ARHGAP26: variants seen among roughly 807,000 people sequenced by gnomAD.
ARHGAP26 encodes rho GTPase-activating protein 26.
A neutral mutation model predicts 104.8 loss-of-function variants in ARHGAP26; 38 were observed. That is an observed-to-expected ratio of 0.36 (90% CI 0.28 to 0.48). The LOEUF (loss-of-function observed/expected upper bound fraction) is 0.48, where lower values mean the gene tolerates loss of function less well. Ranked by LOEUF, ARHGAP26 falls within the 20% of genes least tolerant of loss-of-function variation. The pLI, the probability that ARHGAP26 is intolerant of heterozygous loss-of-function variation, is 0.99. For synonymous variants in ARHGAP26, 341 were observed against 340.0 expected, an observed-to-expected ratio of 1.00 and a Z score of -0.03; for missense variants, 704 against 947.9, an observed-to-expected ratio of 0.74 and a Z score of 3.38.
chr5:143,111,672 C>A (rs762080745), intron 17 of ARHGAP26, among the ~76,000 whole-genome samples: 1 of 152,168 alleles, frequency 6.6e-6, no homozygotes, highest in African/African-American at 2.4e-5. Flanking sequence ...TCTTAGAGAG[C>A]TATTAAATGT....
In ARHGAP26 at chr5:142,789,803, C is replaced by T. The variant is rs1047691909; in HGVS notation, c.154+18888C>T. 2.5e-4 allele frequency among the ~76,000 whole-genome samples: 38 copies of T among 152,190 alleles called. 1 individual carries two copies. The highest frequency in any genetic ancestry group is 2.9e-5 in the Non-Finnish European group (2 of 68,032). On this transcript the variant is annotated intron_variant, in intron 1 of 22. Transcript: ENST00000645722. ...CAGCACAAGACACTCCAAAACATAT[C>T]TAGACTGGGTTATGATGGGATCTAG...
At chr5:143,126,605 T>G (rs1796754225) in intron 18 of ARHGAP26, among the ~76,000 whole-genome samples, 1 of 152,220 alleles carries the variant, frequency 6.6e-6, no homozygotes, top group African/African-American at 2.4e-5. Flanking sequence ...AGGCTTTGCT[T>G]GGAGGTTAGA....
chr5:142,906,200 A>G (rs77088209), intron 8 of ARHGAP26, among the ~76,000 whole-genome samples: 2,268 of 152,246 alleles, frequency 0.015, 66 homozygotes, highest in African/African-American at 0.052. Context: ...CTCAGTGGTG[A>G]TGTAAATTTT....
At chr5:142,851,383 C>T (rs919736317) in intron 1 of ARHGAP26, among the ~76,000 whole-genome samples, 2 of 152,188 alleles carry the variant, frequency 1.3e-5, no homozygotes, top group African/African-American at 4.8e-5. Context: ...AGGCGTGAGC[C>T]GCTGCGCCCA....
chr5:142,990,397 G>A (rs1428637229), intron 11 of ARHGAP26, among the ~76,000 whole-genome samples: 10 of 152,098 alleles, frequency 6.6e-5, no homozygotes, highest in Non-Finnish European at 5.9e-5. Flanking sequence ...TGATGGGTTC[G>A]AGCATCCTCC....
rs141903840 is a variant in ARHGAP26, at chr5:142,809,296, A to G, written c.154+38381A>G. Among the ~76,000 whole-genome samples, 135 of 152,348 alleles carry G rather than the reference A, an allele frequency of 8.9e-4. 1 individual carries two copies. In the East Asian group the frequency reaches 0.018, roughly 20 times the overall value. ...GATAAGCAAAGAGAGAGAGGAAAAGAAAAGAAAAAAATATAGGTCTACTGT... is the reference window on the plus strand; with the variant it reads ...GATAAGCAAAGAGAGAGAGGAAAAGGAAAGAAAAAAATATAGGTCTACTGT... On this transcript the variant is annotated intron_variant, in intron 1 of 22. Transcript: ENST00000645722.
At chr5:142,975,029 C>T (rs1772855242) in intron 11 of ARHGAP26, among the ~76,000 whole-genome samples, 1 of 152,176 alleles carries the variant, frequency 6.6e-6, no homozygotes, top group Non-Finnish European at 1.5e-5. Context: ...TCTTGTCTGA[C>T]GTGGTACATC....
At chr5:142,854,118 T>C (rs1402359738) in intron 1 of ARHGAP26, among the ~76,000 whole-genome samples, 1 of 152,258 alleles carries the variant, frequency 6.6e-6, no homozygotes, top group Non-Finnish European at 1.5e-5. Context: ...AAAAACTGCA[T>C]GTGTTTAATG....
chr5:142,807,082 C>G (rs927203568), intron 1 of ARHGAP26, among the ~76,000 whole-genome samples: 2 of 152,152 alleles, frequency 1.3e-5, no homozygotes, highest in Non-Finnish European at 2.9e-5. Context: ...GCCACATTCT[C>G]CAGTTAATAA....
Position 143,086,320 on chromosome 5 carries a change from T to G in ARHGAP26, c.1538+28573T>G, listed in dbSNP as rs565424456. ...GATCATTTTTCTAGAATTTTGACTG[T>G]GGGGGAAATAAACTTGGGCCTCCAT... On this transcript the variant is annotated intron_variant, in intron 17 of 22. Transcript: ENST00000645722. Among the ~76,000 whole-genome samples, 13 of 152,270 alleles carry G rather than the reference T, an allele frequency of 8.5e-5. No individual in the cohort carries two copies. The East Asian group carries it at 2.1e-3, about 25-fold the overall frequency.
chr5:142,781,813 G>C (rs1482558105), intron 1 of ARHGAP26, among the ~76,000 whole-genome samples: 1 of 152,180 alleles, frequency 6.6e-6, no homozygotes, highest in Non-Finnish European at 1.5e-5. Context: ...CCGGGTTCAA[G>C]TGATTCTCCT....
intron 18 of ARHGAP26, 117 bp downstream of exon 18, chr5:143,121,264 G>C: frequency 1.9e-6 from 2 of 1,061,830 alleles, no homozygotes; most frequent in Non-Finnish European, 2.6e-6. Context: ...CTGTCATGAC[G>C]ATGAAGTTGC....
chr5:143,174,088 G>A (rs554349322), intron 20 of ARHGAP26, among the ~76,000 whole-genome samples: 2 of 152,316 alleles, frequency 1.3e-5, no homozygotes, highest in Non-Finnish European at 2.9e-5. Context: ...TTTCTTAAAA[G>A]GAGGATGGCA....
rs147916914 is a variant in ARHGAP26 at position 143,085,271 on chromosome 5, C to T, written c.1538+27524C>T. Reference sequence around the variant, plus strand: ...CAGTAGGTGCTTCATAGAACATCCTCTGGTGGCAGATAGTAGGGGAGACAT... The same window carrying T: ...CAGTAGGTGCTTCATAGAACATCCTTTGGTGGCAGATAGTAGGGGAGACAT... On this transcript the variant is annotated intron_variant, in intron 17 of 22. Transcript: ENST00000645722. 1.0e-3 allele frequency among the ~76,000 whole-genome samples: 154 copies of T among 152,156 alleles called. 2 individuals carry two copies. In the East Asian group the frequency reaches 0.026, roughly 26 times the overall value.
At chr5:142,840,702 C>T (rs1268053950) in intron 1 of ARHGAP26, among the ~76,000 whole-genome samples, 4 of 152,158 alleles carry the variant, frequency 2.6e-5, no homozygotes, top group African/African-American at 9.7e-5. Context: ...TTTCACTTAG[C>T]CTCTTCTCTG....
intron 18 of ARHGAP26, among the ~76,000 whole-genome samples, chr5:143,121,749 G>C (rs893175485): frequency 6.6e-6 from 1 of 152,146 alleles, no homozygotes; most frequent in Non-Finnish European, 1.5e-5. Flanking sequence ...CCAATTTGAA[G>C]AATATTAACG....
intron 11 of ARHGAP26, among the ~76,000 whole-genome samples, chr5:142,975,082 T>C (rs1479897822): frequency 6.6e-6 from 1 of 152,160 alleles, no homozygotes; most frequent in African/African-American, 2.4e-5. Flanking sequence ...TCCCCTACAG[T>C]TCTGAAAGAT....
intron 17 of ARHGAP26, among the ~76,000 whole-genome samples, chr5:143,088,698 C>G (rs577761640): frequency 6.6e-6 from 1 of 152,192 alleles, no homozygotes; most frequent in Non-Finnish European, 1.5e-5. Context: ...TGCGACCTTA[C>G]AGATGGAGCA....
intron 7 of ARHGAP26, 111 bp downstream of exon 7, chr5:142,902,150 G>T (rs1046427054): frequency 1.8e-5 from 16 of 885,000 alleles, no homozygotes; most frequent in Middle Eastern, 2.3e-4. Context: ...GAGGAGGGTG[G>T]GTCTTGCTTG....
Sources: allele counts gnomAD v4.1 joint callset (sites outside exome capture counted in the v4.1 genomes callset), GRCh38; gene constraint gnomAD v4.1.1; transcripts MANE v1.5; gene names NCBI Gene and HGNC (gene_info 2026-07-23, HGNC 2026-07-21).